Variants in PRKN observed in about 807,000 individuals in gnomAD.
PRKN encodes the protein parkin RBR E3 ubiquitin protein ligase.
In PRKN, 56 loss-of-function variants were observed where a neutral mutation model predicts 59.5. The observed-to-expected ratio is 0.94, with a 90% CI of 0.76 to 1.18. PRKN has a LOEUF of 1.18. PRKN is among the 50% of genes most tolerant of loss of function. The pLI, the probability that PRKN is intolerant of heterozygous loss-of-function variation, is 0.00. For missense variants in PRKN, 657 were observed against 596.4 expected (o/e 1.10, Z -1.06); for synonymous variants, 250 against 222.1 (o/e 1.13, Z -1.12).
At chr6:162,709,375 C>CT (rs34492695) in intron 1 of PRKN, among the ~76,000 whole-genome samples, 44 of 147,850 alleles carry the variant, frequency 3.0e-4, no homozygotes, top group Non-Finnish European at 4.6e-4. Context: ...GGTCTGAACA[C>CT]TTTTTTTTTT....
At chr6:162,336,027 G>A (rs74468607) in intron 2 of PRKN, among the ~76,000 whole-genome samples, 1,625 of 151,838 alleles carry the variant, frequency 0.011, 38 homozygotes, top group African/African-American at 0.038. Context: ...ACTGGAATGC[G>A]TGATGCTAAA....
At chr6:161,970,418 T>TATATAC (rs1554256011) in intron 6 of PRKN, among the ~76,000 whole-genome samples, 2 of 147,282 alleles carry the variant, frequency 1.4e-5, no homozygotes, top group African/African-American at 5.0e-5. Context: ...TATATATATA[T>TATATAC]ATACATACAC....
intron 7 of PRKN, among the ~76,000 whole-genome samples, chr6:161,570,232 T>C (rs1980502): frequency 0.33 from 47,109 of 141,832 alleles, 8,595 homozygotes; most frequent in East Asian, 0.59. Flanking sequence ...ATTTAATGTA[T>C]AGATATGAGT....
intron 7 of PRKN, among the ~76,000 whole-genome samples, chr6:161,743,471 G>T (rs1157124519): frequency 6.6e-6 from 1 of 151,126 alleles, no homozygotes; most frequent in Non-Finnish European, 1.5e-5. Flanking sequence ...GAATGGTCTC[G>T]ATCTCCTGAC....
intron 7 of PRKN, among the ~76,000 whole-genome samples, chr6:161,572,660 C>CAATAAATAAATAAATAAATA (rs10674600): frequency 2.2e-4 from 33 of 149,926 alleles, no homozygotes; most frequent in African/African-American, 7.7e-4. Flanking sequence ...GACTCTGTCT[C>CAATAAATAAATAAATAAATA]AATAAATAAA....
At chr6:162,136,042 T>C (rs1010874474) in intron 4 of PRKN, among the ~76,000 whole-genome samples, 10 of 151,528 alleles carry the variant, frequency 6.6e-5, no homozygotes, top group Non-Finnish European at 1.0e-4. Flanking sequence ...ATTGTACATA[T>C]ATTTTAGGAA....
rs1562520263 is a variant in PRKN at position 161,550,391 on chromosome 6, T to C, written c.934-1388A>G. 2.0e-5 allele frequency among the ~76,000 whole-genome samples: 3 copies of C among 152,198 alleles called. No individual in the cohort carries two copies. The highest frequency in any genetic ancestry group is 4.4e-5 in the Non-Finnish European group (3 of 68,044). ...GACTAATATTTTAAAGACATCCACCTGGCTGCTATGTTCGGAATACCCTCT... is the reference window on the plus strand; with the variant it reads ...GACTAATATTTTAAAGACATCCACCCGGCTGCTATGTTCGGAATACCCTCT... On this transcript the variant is annotated intron_variant, in intron 8 of 11. Coordinates refer to ENST00000366898, the MANE Select transcript of PRKN (RefSeq NM_004562.3). This position sits in a 1 kb window ranked among gnomAD's most constrained non-coding sequence, Gnocchi z 4.0.
At chr6:162,280,818 A>AAG (rs1780860070) in intron 2 of PRKN, among the ~76,000 whole-genome samples, 2 of 149,478 alleles carry the variant, frequency 1.3e-5, no homozygotes, top group African/African-American at 2.5e-5. Flanking sequence ...AAAAAAAAAA[A>AAG]GGCTAGAAGA....
At chr6:161,455,278 C>T (rs567830043) in intron 9 of PRKN, among the ~76,000 whole-genome samples, 1 of 152,104 alleles carries the variant, frequency 6.6e-6, no homozygotes, top group South Asian at 2.1e-4. Context: ...ACCTTGTGAT[C>T]CACCTGCCTC....
intron 2 of PRKN, among the ~76,000 whole-genome samples, chr6:162,285,260 T>A (rs1290240775): frequency 6.7e-6 from 1 of 148,772 alleles, no homozygotes; most frequent in Admixed American, 7.0e-5. Flanking sequence ...CACAGATATT[T>A]TGGAGATTTT....
intron 7 of PRKN, among the ~76,000 whole-genome samples, chr6:161,629,686 G>A (rs543302223): frequency 7.9e-5 from 12 of 151,788 alleles, no homozygotes; most frequent in African/African-American, 2.2e-4. Flanking sequence ...ACCATCCTCC[G>A]CACTCTCGCT....
At chr6:162,487,476 C>T (rs1348085977) in intron 1 of PRKN, among the ~76,000 whole-genome samples, 1 of 152,182 alleles carries the variant, frequency 6.6e-6, no homozygotes, top group Admixed American at 6.6e-5. Flanking sequence ...GCTTTTTACG[C>T]TCCCTGTCAT....
rs80225977 is a variant in PRKN at position 161,491,167 on chromosome 6, A to G, written c.1083+57687T>C. Among the ~76,000 whole-genome samples the G allele has an allele frequency of 3.0e-3, 462 of 152,300 alleles. 1 individual carries two copies. Among genetic ancestry groups the G allele is most frequent in the Non-Finnish European group, 5.0e-3 (343 of 68,034 alleles). On this transcript the variant is annotated intron_variant, in intron 9 of 11. Transcript: ENST00000366898. ...TCTTTAGAGTCGAGCACTTTCAGTTATATATCAGATGACTTCAAGATCTTT... is the reference window on the plus strand; with the variant it reads ...TCTTTAGAGTCGAGCACTTTCAGTTGTATATCAGATGACTTCAAGATCTTT...
At chr6:162,218,738 C>G (rs551563141) in intron 3 of PRKN, among the ~76,000 whole-genome samples, 1 of 152,220 alleles carries the variant, frequency 6.6e-6, no homozygotes, top group South Asian at 2.1e-4. Flanking sequence ...AACAGTGAAG[C>G]TCCCTATGTG....
chr6:162,319,016 T>C (rs967727507), intron 2 of PRKN, among the ~76,000 whole-genome samples: 1 of 152,052 alleles, frequency 6.6e-6, no homozygotes, highest in African/African-American at 2.4e-5. Flanking sequence ...TTTAAGGTGG[T>C]TATTTTTAAG....
At chr6:161,478,716 G>A (rs533831125) in intron 9 of PRKN, among the ~76,000 whole-genome samples, 5 of 152,174 alleles carry the variant, frequency 3.3e-5, no homozygotes, top group East Asian at 1.9e-4. Context: ...GCCTGCTGGC[G>A]GGTGCTGTAG....
intron 1 of PRKN, among the ~76,000 whole-genome samples, chr6:162,719,678 T>C (rs1778858523): frequency 6.6e-6 from 1 of 152,168 alleles, no homozygotes; most frequent in Non-Finnish European, 1.5e-5. Context: ...GCCTGGTCTG[T>C]TCCGGTCAGG....
At chr6:162,293,777 G>A (rs1000014630) in intron 2 of PRKN, among the ~76,000 whole-genome samples, 1 of 152,212 alleles carries the variant, frequency 6.6e-6, no homozygotes, top group Non-Finnish European at 1.5e-5. Flanking sequence ...TGGGCAGGTG[G>A]AGAGACAGAA....
intron 1 of PRKN, among the ~76,000 whole-genome samples, chr6:162,517,505 T>C (rs956505563): frequency 1.3e-5 from 2 of 151,826 alleles, no homozygotes; most frequent in Non-Finnish European, 2.9e-5. Context: ...ATCTGCCCAC[T>C]TCGGCCTCCC....
Sources: gnomAD v4.1 joint callset for allele counts (sites outside exome capture counted in the v4.1 genomes callset) on GRCh38, gnomAD v4.1.1 for gene constraint, Gnocchi (gnomAD v3.1) non-coding constraint, MANE v1.5 for transcripts, NCBI Gene and HGNC (gene_info 2026-07-23, HGNC 2026-07-21) for gene names.